TENM2: variants seen among roughly 807,000 people sequenced by gnomAD.
TENM2 encodes teneurin-2.
A neutral mutation model predicts 245.2 loss-of-function variants in TENM2; 52 were observed. The observed-to-expected ratio is 0.21, with a 90% CI of 0.17 to 0.27. The LOEUF (loss-of-function observed/expected upper bound fraction) is 0.27, where lower values mean the gene tolerates loss of function less well. TENM2 is among the 10% of genes least tolerant of loss of function. TENM2 has a pLI of 1.00. For synonymous variants in TENM2, 1,363 were observed against 1,438.9 expected (o/e 0.95, Z 1.19); for missense variants, 3,046 against 3,666.8 (o/e 0.83, Z 4.37).
chr5:167,530,356 T>C (rs539550589), intron 2 of TENM2, among the ~76,000 whole-genome samples: 1 of 152,360 alleles, frequency 6.6e-6, no homozygotes, highest in South Asian at 2.1e-4. Flanking sequence ...ACTATCCATC[T>C]GTAAGTACGA....
intron 2 of TENM2, among the ~76,000 whole-genome samples, chr5:167,525,509 G>T (rs1397223554): frequency 6.6e-6 from 1 of 152,018 alleles, no homozygotes; most frequent in Non-Finnish European, 1.5e-5. Flanking sequence ...GAGTGTGCTG[G>T]TAATTCCTTA....
chr5:168,021,434 A>G (rs1385715065), intron 5 of TENM2, among the ~76,000 whole-genome samples: 1 of 152,170 alleles, frequency 6.6e-6, no homozygotes, highest in Non-Finnish European at 1.5e-5. Context: ...CGAGGCATCC[A>G]CCCAGCTCCC....
At chr5:167,411,240 T>G (rs2127404542) in intron 2 of TENM2, among the ~76,000 whole-genome samples, 1 of 152,250 alleles carries the variant, frequency 6.6e-6, no homozygotes, top group East Asian at 1.9e-4. Flanking sequence ...AAGTAAAGTA[T>G]ACTTGACTTT....
the TENM2 span, among the ~76,000 whole-genome samples, chr5:167,209,132 T>C: frequency 6.6e-6 from 1 of 152,234 alleles, no homozygotes; most frequent in Non-Finnish European, 1.5e-5. Context: ...AAATTCCTTT[T>C]TCCTTATGTG....
intron 2 of TENM2, among the ~76,000 whole-genome samples, chr5:167,860,687 G>C (rs2151284961): frequency 2.3e-5 from 1 of 44,346 alleles, no homozygotes; most frequent in African/African-American, 1.1e-4. Context: ...TTTTCATTTT[G>C]TTCTGCACTA....
chr5:167,787,022 A>G (rs947546086), intron 2 of TENM2, among the ~76,000 whole-genome samples: 4 of 152,222 alleles, frequency 2.6e-5, no homozygotes, highest in Non-Finnish European at 5.9e-5. Context: ...CAGACACTTG[A>G]CAACATGCTT....
the TENM2 span, among the ~76,000 whole-genome samples, chr5:167,119,186 A>C: frequency 2.6e-5 from 4 of 152,326 alleles, no homozygotes; most frequent in South Asian, 8.3e-4. Flanking sequence ...TAATATTACT[A>C]AAGTATGTAA....
At position 168,032,091 on chromosome 5, in the gene TENM2, A is replaced by G. The variant is rs537539117; in HGVS notation, c.1187-15336A>G. ...CAAGTGTTCTGAGCCAGAGTCCCCA[A>G]GTTCAAAGCCCAGCTCTGCCACTAC... On this transcript the variant is annotated intron_variant, in intron 5 of 28. Coordinates refer to ENST00000518659, the Ensembl canonical transcript of TENM2. 1.9e-4 allele frequency among the ~76,000 whole-genome samples: 29 copies of G among 152,282 alleles called. 1 individual carries two copies. In the South Asian group the frequency reaches 5.0e-3, roughly 26 times the overall value.
chr5:167,188,024 A>G, the TENM2 span, among the ~76,000 whole-genome samples: 1 of 152,120 alleles, frequency 6.6e-6, no homozygotes, highest in Non-Finnish European at 1.5e-5. Context: ...TTAGTCACTA[A>G]TCTTCCATCT....
chr5:167,942,104 A>C (rs1779230187), intron 3 of TENM2, among the ~76,000 whole-genome samples: 1 of 152,098 alleles, frequency 6.6e-6, no homozygotes, highest in Non-Finnish European at 1.5e-5. Flanking sequence ...GCTACTCGGG[A>C]GGCTGAGGCA....
chr5:167,701,685 A>G (rs1758154512), intron 2 of TENM2, among the ~76,000 whole-genome samples: 1 of 152,164 alleles, frequency 6.6e-6, no homozygotes, highest in Admixed American at 6.5e-5. Context: ...AGATACATAC[A>G]TACAATGTTT....
chr5:167,187,872 A>C, the TENM2 span, among the ~76,000 whole-genome samples: 23 of 152,222 alleles, frequency 1.5e-4, no homozygotes, highest in Non-Finnish European at 2.8e-4. Flanking sequence ...GGTGAAATAC[A>C]TTCTGTCGTG....
the TENM2 span, among the ~76,000 whole-genome samples, chr5:166,979,081 T>C: frequency 7.9e-5 from 12 of 151,938 alleles, no homozygotes; most frequent in East Asian, 1.6e-3. Flanking sequence ...GCGTGTGTTA[T>C]GGGTTTGATT....
chr5:167,705,818 A>T (rs1264240343), intron 2 of TENM2, among the ~76,000 whole-genome samples: 1 of 151,668 alleles, frequency 6.6e-6, no homozygotes, highest in Non-Finnish European at 1.5e-5. Context: ...CTCTGCTTCT[A>T]GGAGTTTGAC....
intron 3 of TENM2, among the ~76,000 whole-genome samples, chr5:167,902,030 C>T (rs1175563211): frequency 6.6e-6 from 1 of 152,192 alleles, no homozygotes; most frequent in Non-Finnish European, 1.5e-5. Context: ...ATCCTTTGCA[C>T]ATTTTATGCA....
At chr5:167,857,508 G>T (rs901099382) in intron 2 of TENM2, among the ~76,000 whole-genome samples, 1 of 152,152 alleles carries the variant, frequency 6.6e-6, no homozygotes, top group Non-Finnish European at 1.5e-5. Flanking sequence ...CAATTCAGAC[G>T]TGTTCATACA....
At chr5:167,154,723 C>T in the TENM2 span, among the ~76,000 whole-genome samples, 2 of 152,086 alleles carry the variant, frequency 1.3e-5, no homozygotes, top group African/African-American at 4.8e-5. Context: ...AATGTGTGAC[C>T]TTGTGTAAGT....
At chr5:167,613,395 A>AC (rs1249842942) in intron 2 of TENM2, among the ~76,000 whole-genome samples, 1 of 152,150 alleles carries the variant, frequency 6.6e-6, no homozygotes, top group Non-Finnish European at 1.5e-5. Context: ...GATGTATATT[A>AC]CCAGTATCTT....
At chr5:167,472,871 C>G (rs1767125071) in intron 2 of TENM2, among the ~76,000 whole-genome samples, 1 of 152,166 alleles carries the variant, frequency 6.6e-6, no homozygotes, top group Admixed American at 6.5e-5. Flanking sequence ...GCCAAAAGAC[C>G]TAGCTGGGCC....
Sources: gnomAD v4.1 joint callset for allele counts (sites outside exome capture counted in the v4.1 genomes callset) on GRCh38, gnomAD v4.1.1 for gene constraint, MANE v1.5 for transcripts, NCBI Gene and HGNC (gene_info 2026-07-23, HGNC 2026-07-21) for gene names.